The following EYA2 variants were observed in gnomAD, a reference collection of about 807,000 sequenced individuals.
EYA2 encodes EYA transcriptional coactivator and phosphatase 2, also known as protein phosphatase EYA2.
A neutral mutation model predicts 69.2 loss-of-function variants in EYA2; 31 were observed. That is an observed-to-expected ratio of 0.45 (90% CI 0.34 to 0.60). The LOEUF is 0.60. Among genes scored for constraint, EYA2 ranks in the 20% least tolerant of loss-of-function variants. The pLI, the probability that EYA2 is intolerant of heterozygous loss-of-function variation, is 0.02. For missense variants in EYA2, 622 were observed against 701.2 expected (o/e 0.89, Z 1.28); for synonymous variants, 257 against 279.4 (o/e 0.92, Z 0.80).
intron 1 of EYA2, among the ~76,000 whole-genome samples, chr20:46,940,417 G>A (rs1267243335): frequency 6.6e-6 from 1 of 152,166 alleles, no homozygotes; most frequent in Non-Finnish European, 1.5e-5. Flanking sequence ...CCTGTGTGGA[G>A]AGCCAGGATT....
chr20:47,107,155 A>G (rs2032605508), intron 9 of EYA2, among the ~76,000 whole-genome samples: 1 of 152,190 alleles, frequency 6.6e-6, no homozygotes, highest in South Asian at 2.1e-4. Context: ...GGCAGGGAAC[A>G]AAGTCCATTA....
chr20:47,001,555 T>C (rs905048407), intron 3 of EYA2, 82 bp downstream of exon 3: 7 of 1,401,554 alleles, frequency 5.0e-6, no homozygotes, highest in Middle Eastern at 1.8e-4. Context: ...GAGAGGGCCC[T>C]GGAGCCAGAT....
chr20:47,073,468 G>A (rs1568760401), intron 6 of EYA2, among the ~76,000 whole-genome samples: 3 of 150,374 alleles, frequency 2.0e-5, no homozygotes, highest in Admixed American at 6.7e-5. Flanking sequence ...GTGTGTGTGC[G>A]GTCTTCTAGG....
intron 9 of EYA2, among the ~76,000 whole-genome samples, chr20:47,122,588 G>GT (rs527495611): frequency 1.3e-3 from 197 of 152,118 alleles, no homozygotes; most frequent in Non-Finnish European, 1.7e-3. Flanking sequence ...GTGTTTCTTA[G>GT]TTTTTTATGC....
intron 5 of EYA2, among the ~76,000 whole-genome samples, chr20:47,052,619 T>A (rs2030396944): frequency 6.6e-6 from 1 of 152,164 alleles, no homozygotes; most frequent in South Asian, 2.1e-4. Context: ...TGCTTCTTTC[T>A]TTTTATCTTT....
At chr20:47,043,571 C>T (rs1238069726) in intron 5 of EYA2, among the ~76,000 whole-genome samples, 2 of 152,188 alleles carry the variant, frequency 1.3e-5, no homozygotes, top group African/African-American at 4.8e-5. Context: ...ATGACCTGGC[C>T]TAACTTTGCA....
intron 10 of EYA2, among the ~76,000 whole-genome samples, chr20:47,167,904 A>G (rs1366559604): frequency 6.6e-6 from 1 of 152,190 alleles, no homozygotes; most frequent in Non-Finnish European, 1.5e-5. Context: ...GGGATGGCTC[A>G]GCTTCAGTCC....
At chr20:47,131,890 C>T (rs867265) in intron 9 of EYA2, among the ~76,000 whole-genome samples, 92,751 of 152,158 alleles carry the variant, frequency 0.61, 29,418 homozygotes, top group African/African-American at 0.79. Flanking sequence ...ATGGTGACTT[C>T]CCATTTATGG....
chr20:46,920,649 C>T (rs1393223936), intron 1 of EYA2, among the ~76,000 whole-genome samples: 1 of 152,208 alleles, frequency 6.6e-6, no homozygotes, highest in Non-Finnish European at 1.5e-5. Flanking sequence ...CTGAGCTCCC[C>T]TCTGACTTCT....
rs146028399 is a variant in EYA2 at position 46,923,561 on chromosome 20, G to A, written c.-11+28574G>A. Among the ~76,000 whole-genome samples the A allele has an allele frequency of 3.9e-5, 6 of 152,280 alleles. No homozygotes were observed. The East Asian group carries it at 1.2e-3, about 29-fold the overall frequency. On this transcript the variant is annotated intron_variant, in intron 1 of 15. Transcript: ENST00000327619. ...GTCAGTGTTAAAGTGATTGAAGTGGGTAATAAACCGGAGATTCTATAAGAG... is the reference window on the plus strand; with the variant it reads ...GTCAGTGTTAAAGTGATTGAAGTGGATAATAAACCGGAGATTCTATAAGAG...
intron 5 of EYA2, among the ~76,000 whole-genome samples, chr20:47,051,208 C>T (rs1343847903): frequency 6.6e-6 from 1 of 152,262 alleles, no homozygotes; most frequent in Non-Finnish European, 1.5e-5. Flanking sequence ...TGCATCGCTT[C>T]GCCATTGCAG....
In EYA2 at chr20:47,129,716, G is replaced by T. The variant is rs912923293; in HGVS notation, c.889-13343G>T. On this transcript the variant is annotated intron_variant, in intron 9 of 15. Coordinates refer to ENST00000327619, the MANE Select transcript of EYA2 (RefSeq NM_005244.5). ...TTATAGTGGCCCAGCACACAGAGGG[G>T]CTCCTTGTCTTCCTCCCTCACCGCC... Among the ~76,000 whole-genome samples, 3 of 152,156 alleles carry T rather than the reference G, an allele frequency of 2.0e-5. No homozygotes were observed. The South Asian group carries it at 6.2e-4, about 32-fold the overall frequency.
chr20:47,079,603 T>A (rs887492828), intron 7 of EYA2, among the ~76,000 whole-genome samples: 10 of 152,276 alleles, frequency 6.6e-5, no homozygotes, highest in South Asian at 2.1e-4. Flanking sequence ...ATTTATTTTT[T>A]TAAAAAAGAA....
chr20:46,992,944 T>C (rs961199845), intron 2 of EYA2, among the ~76,000 whole-genome samples: 46 of 152,234 alleles, frequency 3.0e-4, no homozygotes, highest in Admixed American at 2.6e-3. Context: ...CCATTCCTTC[T>C]ATTACAGAGT....
chr20:46,994,939 G>A (rs1481919887), intron 2 of EYA2, among the ~76,000 whole-genome samples: 6 of 150,334 alleles, frequency 4.0e-5, no homozygotes, highest in East Asian at 3.9e-4. Context: ...TCGCTCTTGC[G>A]AACCAGGCTG....
chr20:46,987,917 T>TCTCTCTCC lies in EYA2; in HGVS notation c.-10-2077_-10-2076insCCTCTCTC, dbSNP rs1568706877. Among the ~76,000 whole-genome samples, 228 of 25,478 alleles carry TCTCTCTCC rather than the reference T, an allele frequency of 8.9e-3. 40 individuals are homozygous for TCTCTCTCC. Among genetic ancestry groups the TCTCTCTCC allele is most frequent in the Middle Eastern group, 0.022 (1 of 46 alleles). The allele number at this position is 25,478 out of a possible 152,430, so 16.7% of individuals were successfully genotyped here. A position where few individuals can be genotyped will look rare whatever the true frequency, so the allele number is the denominator to read the frequency against. ...ACTCCAGCCTGGAAGACAGAGTAAG[T>TCTCTCTCC]CTCTCTCTCTCTCTCTCTCTCTCTC... is the stretch of plus-strand genomic sequence containing the variant. On this transcript the variant is annotated intron_variant, in intron 1 of 15. Coordinates refer to ENST00000327619, the MANE Select transcript of EYA2 (RefSeq NM_005244.5).
chr20:47,033,546 T>C (rs1344360797), intron 5 of EYA2, among the ~76,000 whole-genome samples: 1 of 152,180 alleles, frequency 6.6e-6, no homozygotes, highest in African/African-American at 2.4e-5. Context: ...TGGCTGCCTT[T>C]AGTGCTGTTC....
chr20:47,150,348 A>G (rs1299053057), intron 10 of EYA2, among the ~76,000 whole-genome samples: 2 of 152,202 alleles, frequency 1.3e-5, no homozygotes, highest in Non-Finnish European at 2.9e-5. Flanking sequence ...GCTCATCAAA[A>G]TAAAGAGGCT....
chr20:46,990,819 C>T (rs1278638884), intron 2 of EYA2, among the ~76,000 whole-genome samples: 1 of 152,110 alleles, frequency 6.6e-6, no homozygotes, highest in Non-Finnish European at 1.5e-5. Flanking sequence ...CGTTGTTTTT[C>T]CTTCATTATC....
Sources: gnomAD v4.1 joint callset for allele counts (sites outside exome capture counted in the v4.1 genomes callset) on GRCh38, gnomAD v4.1.1 for gene constraint, MANE v1.5 for transcripts, NCBI Gene and HGNC (gene_info 2026-07-23, HGNC 2026-07-21) for gene names.